Variants in SUGCT observed in about 807,000 individuals in gnomAD.
The protein encoded by SUGCT is succinyl-CoA:glutarate CoA-transferase.
A neutral mutation model predicts 55.0 loss-of-function variants in SUGCT; 41 were observed. That is an observed-to-expected ratio of 0.74 (90% CI 0.58 to 0.97). The LOEUF (loss-of-function observed/expected upper bound fraction) is 0.97. Among genes scored for constraint, SUGCT ranks in the 50% least tolerant of loss-of-function variants. The pLI, the probability that SUGCT is intolerant of heterozygous loss-of-function variation, is 0.00. For missense variants in SUGCT, 568 were observed against 547.8 expected (o/e 1.04, Z -0.37); for synonymous variants, 187 against 200.4 (o/e 0.93, Z 0.56).
At chr7:40,312,158 G>C (rs1467928935) in intron 8 of SUGCT, among the ~76,000 whole-genome samples, 2 of 151,526 alleles carry the variant, frequency 1.3e-5, no homozygotes, top group Non-Finnish European at 2.9e-5. Flanking sequence ...TCGTGCCTCA[G>C]CCTCCCGAGT....
At chr7:40,926,626 A>G in the SUGCT span, among the ~76,000 whole-genome samples, 1 of 152,246 alleles carries the variant, frequency 6.6e-6, no homozygotes, top group South Asian at 2.1e-4. Context: ...TGGTGAGATT[A>G]GTGTGTTTAT....
At chr7:41,012,975 G>T in the SUGCT span, among the ~76,000 whole-genome samples, 6 of 151,120 alleles carry the variant, frequency 4.0e-5, no homozygotes, top group Non-Finnish European at 8.8e-5. Context: ...AGCACCATCT[G>T]CAAGTCACCT....
the SUGCT span, among the ~76,000 whole-genome samples, chr7:40,894,757 G>A: frequency 2.0e-5 from 3 of 152,248 alleles, no homozygotes; most frequent in African/African-American, 7.2e-5. Flanking sequence ...AAACTACATT[G>A]AGATACCATC....
chr7:40,436,477 C>A (rs958732303), intron 9 of SUGCT, among the ~76,000 whole-genome samples: 26 of 152,052 alleles, frequency 1.7e-4, no homozygotes, highest in African/African-American at 5.6e-4. Context: ...CTATATAAGC[C>A]AATTTAGAAT....
intron 9 of SUGCT, among the ~76,000 whole-genome samples, chr7:40,371,388 G>T (rs1784287945): frequency 1.3e-5 from 2 of 152,108 alleles, no homozygotes; most frequent in South Asian, 4.1e-4. Flanking sequence ...AATTGGTGGT[G>T]TCAGGTGAGG....
chr7:40,988,912 G>A, the SUGCT span, among the ~76,000 whole-genome samples: 1 of 151,042 alleles, frequency 6.6e-6, no homozygotes, highest in African/African-American at 2.4e-5. Flanking sequence ...TTGTTTGTTT[G>A]TTTTCTCCTC....
At chr7:40,520,311 G>A (rs1342085417) in intron 12 of SUGCT, among the ~76,000 whole-genome samples, 1 of 152,190 alleles carries the variant, frequency 6.6e-6, no homozygotes, top group Non-Finnish European at 1.5e-5. Flanking sequence ...ATAAATTCTG[G>A]TGTCTATTAA....
intron 12 of SUGCT, among the ~76,000 whole-genome samples, chr7:40,625,980 A>G (rs1799508943): frequency 6.6e-6 from 1 of 152,206 alleles, no homozygotes; most frequent in South Asian, 2.1e-4. Context: ...TGTGAAGTAC[A>G]TATTTGTATT....
At chr7:41,026,090 A>G in the SUGCT span, among the ~76,000 whole-genome samples, 24,403 of 152,204 alleles carry the variant, frequency 0.16, 3,093 homozygotes, top group African/African-American at 0.35. Context: ...CTGGAGCTGC[A>G]CCTGCTGCCA....
At chr7:40,210,553 G>A (rs1336192526) in intron 6 of SUGCT, among the ~76,000 whole-genome samples, 3 of 151,794 alleles carry the variant, frequency 2.0e-5, no homozygotes, top group Non-Finnish European at 4.4e-5. Context: ...AATAGCACTC[G>A]AATATAAAAT....
chr7:40,676,179 A>T (rs1783968567), intron 12 of SUGCT, among the ~76,000 whole-genome samples: 1 of 152,194 alleles, frequency 6.6e-6, no homozygotes, highest in Non-Finnish European at 1.5e-5. Context: ...CAGTCTTCTC[A>T]TCTAGCAAAG....
At chr7:40,963,369 T>G in the SUGCT span, among the ~76,000 whole-genome samples, 1 of 152,168 alleles carries the variant, frequency 6.6e-6, no homozygotes, top group Non-Finnish European at 1.5e-5. Flanking sequence ...TAGTCCCAAT[T>G]TTTAGTCTTC....
At chr7:40,206,159 C>G (rs73314819) in intron 6 of SUGCT, among the ~76,000 whole-genome samples, 1 of 152,134 alleles carries the variant, frequency 6.6e-6, no homozygotes, top group Admixed American at 6.5e-5. Context: ...TCCAAAAACC[C>G]TGTCATCAAA....
chr7:40,317,525 T>C (rs185050087), intron 9 of SUGCT, among the ~76,000 whole-genome samples: 1 of 152,350 alleles, frequency 6.6e-6, no homozygotes, highest in East Asian at 1.9e-4. Context: ...CTGTACTCTA[T>C]TGCAAACTCT....
chr7:40,251,080 C>T (rs556995199), intron 7 of SUGCT, among the ~76,000 whole-genome samples: 2 of 152,136 alleles, frequency 1.3e-5, no homozygotes, highest in East Asian at 1.9e-4. Context: ...CCATCCACCC[C>T]GGCCTCCCAA....
At chr7:40,784,400 G>A (rs191329978) in intron 13 of SUGCT, among the ~76,000 whole-genome samples, 1 of 152,200 alleles carries the variant, frequency 6.6e-6, no homozygotes, top group Non-Finnish European at 1.5e-5. Flanking sequence ...GAACTGCTTA[G>A]GTCATCCTCT....
intron 9 of SUGCT, among the ~76,000 whole-genome samples, chr7:40,447,885 C>A (rs75837005): frequency 0.032 from 4,823 of 152,078 alleles, 109 homozygotes; most frequent in Middle Eastern, 0.058. Context: ...ATTCAAATAG[C>A]TAATTTACTT....
rs76264166 is a variant in SUGCT, at chr7:40,795,024, A to G, written c.1153+45527A>G. Among the ~76,000 whole-genome samples the G allele has an allele frequency of 1.6e-4, 24 of 152,280 alleles. No homozygotes were observed. The East Asian group carries it at 4.0e-3, about 26-fold the overall frequency. ...ATACACCTGGAATAGCGCTTCCCAA[A>G]GTAAATGTTCCATAGAACACTAATT... On this transcript the variant is annotated intron_variant, in intron 13 of 13. Coordinates refer to ENST00000335693, the MANE Select transcript of SUGCT (RefSeq NM_001193313.2).
chr7:40,237,865 T>A (rs1472319746), intron 7 of SUGCT, 139 bp downstream of exon 7: 6 of 651,236 alleles, frequency 9.2e-6, no homozygotes, highest in African/African-American at 5.5e-5. Context: ...TTGAAATTAA[T>A]AATTTTAGAA....
Sources: gnomAD v4.1 joint callset for allele counts (sites outside exome capture counted in the v4.1 genomes callset) on GRCh38, gnomAD v4.1.1 for gene constraint, MANE v1.5 for transcripts, NCBI Gene and HGNC (gene_info 2026-07-23, HGNC 2026-07-21) for gene names.